Variants in LMNA observed in about 807,000 individuals in gnomAD.
The protein encoded by LMNA is lamin.
Under a neutral mutation model 70.4 loss-of-function variants are expected in LMNA, and 20 were observed. That is an observed-to-expected ratio of 0.28 (90% confidence interval 0.20 to 0.41). The LOEUF (loss-of-function observed/expected upper bound fraction) is 0.41. Ranked by LOEUF, LMNA falls within the 10% of genes least tolerant of loss-of-function variation. The pLI is 1.00. For synonymous variants in LMNA, 339 were observed against 372.8 expected, an observed-to-expected ratio of 0.91 and a Z score of 1.04; for missense variants, 652 against 917.2, an observed-to-expected ratio of 0.71 and a Z score of 3.73.
At position 156,135,140 on chromosome 1, in the gene LMNA, C is replaced by T. The variant is rs1302075781; in HGVS notation, c.811-47C>T. 2 of 1,613,672 alleles carry T rather than the reference C, an allele frequency of 1.2e-6. No individual in the cohort carries two copies. Among genetic ancestry groups the T allele is most frequent in the Non-Finnish European group, 1.7e-6 (2 of 1,179,968 alleles). On this transcript the variant is annotated intron_variant, in intron 4 of 11. Coordinates refer to ENST00000368300, the MANE Select transcript of LMNA (RefSeq NM_170707.4). This position sits in a 1 kb window ranked among gnomAD's most constrained non-coding sequence, Gnocchi z 4.8. Reference sequence around the variant, plus strand: ...GATGCCCAACTCAGGCCTGTGCCTCCACCCCTCCCAGTCACCACAGTCCTA... The same window carrying T: ...GATGCCCAACTCAGGCCTGTGCCTCTACCCCTCCCAGTCACCACAGTCCTA...
intron 3 of LMNA, among the ~76,000 whole-genome samples, chr1:156,102,610 C>G (rs1411903560): frequency 1.3e-5 from 2 of 152,212 alleles, no homozygotes; most frequent in Non-Finnish European, 2.9e-5. Flanking sequence ...CCCTGGCCCA[C>G]CCAGTGCTCA....
chr1:156,114,651 T>C (rs972676427), upstream of LMNA: 1 of 382,322 alleles, frequency 2.6e-6, no homozygotes, highest in South Asian at 4.1e-5. Flanking sequence ...TTAAGAGTAG[T>C]GGCCCCTCCT....
In LMNA at chr1:156,139,302, G is replaced by GAA; in HGVS notation, c.*196_*197insAA. On this transcript the variant is annotated 3_prime_UTR_variant, in exon 12 of 12. Coordinates refer to ENST00000368300, the MANE Select transcript of LMNA (RefSeq NM_170707.4). ...GTTTTATACTGAAGGAAAAACACAA[G>GAA]CAAAAAAAAAAAAAAGCATCTATCT... The GAA allele has an allele frequency of 2.4e-6, 3 of 1,252,542 alleles. No homozygotes were observed. Among genetic ancestry groups the GAA allele is most frequent in the South Asian group, 2.1e-5 (1 of 47,894 alleles). 77.6% of individuals were successfully genotyped at this position (1,252,542 alleles called of 1,614,324 possible).
At position 156,135,236 on chromosome 1, in the gene LMNA, C is replaced by T. The variant is rs397517910; in HGVS notation, c.860C>T (p.Ala287Val). ...GAGAGGAACAGCAACCTGGTGGGGG[C>T]TGCCCACGAGGAGCTGCAGCAGTCG... is the stretch of plus-strand genomic sequence containing the variant. ...SAERNSNLVG[A>V]AHEELQQSRI... The change falls in exon 5 of 12, where the codon GCT becomes GTT. Residue 287 changes from alanine (A) to valine (V), a missense_variant. Coordinates refer to ENST00000368300, the MANE Select transcript of LMNA (RefSeq NM_170707.4). The surrounding 1 kb of genome is among the most constrained non-coding windows in gnomAD (Gnocchi z 4.8). 9 of 1,613,858 alleles carry T rather than the reference C, an allele frequency of 5.6e-6. No individual in the cohort carries two copies. Among genetic ancestry groups the T allele is most frequent in the South Asian group, 1.1e-5 (1 of 91,090 alleles).
At chr1:156,086,979 C>T (rs144413793) in intron 2 of LMNA, among the ~76,000 whole-genome samples, 147 of 152,080 alleles carry the variant, frequency 9.7e-4, no homozygotes, top group African/African-American at 3.3e-3. Flanking sequence ...CACTTCTGGG[C>T]ACCTGTTATC....
intron 2 of LMNA, 143 bp downstream of exon 2, chr1:156,130,916 C>A: frequency 1.3e-6 from 1 of 782,848 alleles, no homozygotes; most frequent in Non-Finnish European, 2.0e-6. Context: ...AGTCATTTTA[C>A]CCACTGAGGT....
Position 156,137,523 on chromosome 1 carries a change from G to A in LMNA, c.1609-131G>A. 1.1e-6 allele frequency: 1 copy of A among 907,158 alleles called. No homozygotes were observed. Among genetic ancestry groups the A allele is most frequent in the Non-Finnish European group, 1.7e-6 (1 of 571,704 alleles). The allele number at this position is 907,158 out of a possible 1,614,324, so 56.2% of individuals were successfully genotyped here. A position where few individuals can be genotyped will look rare whatever the true frequency, so the allele number is the denominator to read the frequency against. Reference sequence around the variant, plus strand: ...TGAGTTCCTTAGCTCCATCACCACAGAGGACAGAGTAAGCAGCAGGCCGGA... The same window carrying A: ...TGAGTTCCTTAGCTCCATCACCACAAAGGACAGAGTAAGCAGCAGGCCGGA... On this transcript the variant is annotated intron_variant, in intron 9 of 11. Transcript: ENST00000368300. The surrounding 1 kb of genome is among the most constrained non-coding windows in gnomAD (Gnocchi z 4.6).
chr1:156,114,732 C>T lies in LMNA; in HGVS notation c.-187C>T, dbSNP rs974930469. On this transcript the variant is annotated 5_prime_UTR_variant, in exon 1 of 12. Transcript: ENST00000368300. Reference sequence around the variant, plus strand: ...ACTCAGTGTTCGCGGGAGCGCCGCACCTACACCAGCCAACCCAGATCCCGA... The same window carrying T: ...ACTCAGTGTTCGCGGGAGCGCCGCATCTACACCAGCCAACCCAGATCCCGA... 5.2e-6 allele frequency: 3 copies of T among 573,674 alleles called. No homozygotes were observed. Among genetic ancestry groups the T allele is most frequent in the Admixed American group, 3.3e-5 (1 of 30,356 alleles). 35.5% of individuals were successfully genotyped at this position (573,674 alleles called of 1,614,324 possible). A position where few individuals can be genotyped will look rare whatever the true frequency, so the allele number is the denominator to read the frequency against.
At chr1:156,104,435 C>A (rs1040656980) in intron 3 of LMNA, among the ~76,000 whole-genome samples, 1 of 152,166 alleles carries the variant, frequency 6.6e-6, no homozygotes, top group East Asian at 1.9e-4. Flanking sequence ...TGAGTCTCCC[C>A]TCTGTTCAGT....
At chr1:156,087,243 CT>C (rs1167426596) in intron 2 of LMNA, among the ~76,000 whole-genome samples, 1,477 of 143,532 alleles carry the variant, frequency 0.01, 14 homozygotes, top group African/African-American at 0.031. Context: ...CTTTTCTTTC[CT>C]TTTTTTTTTT....
intron 2 of LMNA, among the ~76,000 whole-genome samples, chr1:156,088,292 ATTAAT>A (rs1050323504): frequency 8.5e-5 from 13 of 152,230 alleles, no homozygotes; most frequent in South Asian, 6.2e-4. Context: ...CAACACATTA[ATTAAT>A]TTAATTTAAT....
At chr1:156,094,139 T>C (rs1402679595) in intron 3 of LMNA, among the ~76,000 whole-genome samples, 1 of 152,092 alleles carries the variant, frequency 6.6e-6, no homozygotes, top group Admixed American at 6.6e-5. Flanking sequence ...TCAGAAGGGA[T>C]CCCTAAGCAT....
At chr1:156,130,575 C>A in intron 1 of LMNA, 42 bp from the exon 2 acceptor site, 1 of 1,609,308 alleles carries the variant, frequency 6.2e-7, no homozygotes, top group Non-Finnish European at 8.5e-7. Flanking sequence ...TCTAGGCACA[C>A]AGACTCCTTC....
At chr1:156,122,276 C>G (rs996194591) in intron 1 of LMNA, among the ~76,000 whole-genome samples, 3 of 152,122 alleles carry the variant, frequency 2.0e-5, no homozygotes, top group African/African-American at 4.8e-5. Flanking sequence ...CCCTTTCTGG[C>G]TTTCCTTAGC....
chr1:156,084,342 G>A (rs1558104193), intron 2 of LMNA, among the ~76,000 whole-genome samples: 1 of 117,124 alleles, frequency 8.5e-6, no homozygotes, highest in African/African-American at 3.2e-5. Context: ...GGGTGGTGGG[G>A]GCAGTTGGCA....
At position 156,134,653 on chromosome 1, in the gene LMNA, G is replaced by T. The variant is rs925512803; in HGVS notation, c.639+125G>T. 85 of 1,533,056 alleles carry T rather than the reference G, an allele frequency of 5.5e-5. No homozygotes were observed. Among genetic ancestry groups the T allele is most frequent in the Non-Finnish European group, 7.4e-5 (82 of 1,111,122 alleles). The allele number at this position is 1,533,056 out of a possible 1,614,324, so 95.0% of individuals were successfully genotyped here. ...AGTCCCTTGCCCTAGTGGACAGGGA[G>T]TTGGGGGTGGCCAGCACTCAGCTCC... On this transcript the variant is annotated intron_variant, in intron 3 of 11. Coordinates refer to ENST00000368300, the MANE Select transcript of LMNA (RefSeq NM_170707.4). This position sits in a 1 kb window ranked among gnomAD's most constrained non-coding sequence, Gnocchi z 5.3.
rs1651612863 is a variant in LMNA, at chr1:156,136,274, A to G, written c.1218A>G (p.Ser406=). 1.2e-6 allele frequency: 2 copies of G among 1,612,122 alleles called. No individual in the cohort carries two copies. Among genetic ancestry groups the G allele is most frequent in the Non-Finnish European group, 1.7e-6 (2 of 1,180,020 alleles). ...GCCGTGGCCGTGCTTCCTCTCACTCATCCCAGACACAGGGTGGGGGCAGCG... is the reference window on the plus strand; with the variant it reads ...GCCGTGGCCGTGCTTCCTCTCACTCGTCCCAGACACAGGGTGGGGGCAGCG... ...QRSRGRASSH[S]SQTQGGGSVT... Residue 406 remains serine (S), a synonymous_variant, in exon 7 of 12, where the codon TCA becomes TCG. Transcript: ENST00000368300. This position sits in a 1 kb window ranked among gnomAD's most constrained non-coding sequence, Gnocchi z 6.1.
At chr1:156,127,117 A>AC (rs1393723494) in intron 1 of LMNA, among the ~76,000 whole-genome samples, 1 of 151,956 alleles carries the variant, frequency 6.6e-6, no homozygotes, top group Non-Finnish European at 1.5e-5. Flanking sequence ...CTGCACCACC[A>AC]CCCTGGGACC....
Position 156,137,675 on chromosome 1 carries a change from G to T in LMNA, c.1630G>T (p.Val544Leu), listed in dbSNP as rs1334619174. 1 of 1,554,830 alleles carries T rather than the reference G, an allele frequency of 6.4e-7. No individual in the cohort carries two copies. The change falls in exon 10 of 12, where the codon GTG (valine) becomes TTG (leucine). Residue 544 changes from valine to leucine, a missense_variant. By Grantham distance (32) the Val-to-Leu change is conservative. Coordinates refer to ENST00000368300, the MANE Select transcript of LMNA (RefSeq NM_170707.4). The surrounding 1 kb of genome is among the most constrained non-coding windows in gnomAD (Gnocchi z 4.6). Reference sequence around the variant, plus strand: ...CCAGGAAGTGGCCATGCGCAAGCTGGTGCGCTCAGTGACTGTGGTTGAGGA... The same window carrying T: ...CCAGGAAGTGGCCATGCGCAAGCTGTTGCGCTCAGTGACTGTGGTTGAGGA... ...TGEEVAMRKL[V>L]RSVTVVEDDE... is the part of the protein sequence containing the mutation.
Sources: allele counts gnomAD v4.1 joint callset (sites outside exome capture counted in the v4.1 genomes callset), GRCh38; gene constraint gnomAD v4.1.1; non-coding constraint Gnocchi (gnomAD v3.1); transcripts MANE v1.5; gene names NCBI Gene and HGNC (gene_info 2026-07-23, HGNC 2026-07-21).